Variants in ACTR3C observed in about 807,000 individuals in gnomAD.
ACTR3C encodes actin-related protein 3C.
ACTR3C carries 18 observed loss-of-function variants against 26.3 expected under a neutral mutation model. The observed-to-expected ratio is 0.68, with a 90% CI of 0.47 to 1.01. The LOEUF is 1.01. ACTR3C is among the 50% of genes least tolerant of loss of function. The probability of loss-of-function intolerance (pLI) is 0.00; values close to 1 mark genes in which losing one functional copy is unlikely to be tolerated. For synonymous variants in ACTR3C, 55 were observed against 94.5 expected, an observed-to-expected ratio of 0.58 and a Z score of 2.42; for missense variants, 184 against 250.7, an observed-to-expected ratio of 0.73 and a Z score of 1.80.
the ACTR3C span, among the ~76,000 whole-genome samples, chr7:150,026,686 G>T: frequency 6.6e-6 from 1 of 152,056 alleles, no homozygotes; most frequent in Non-Finnish European, 1.5e-5. Flanking sequence ...GGATTTTAAT[G>T]AAGGAAACTG....
the ACTR3C span, among the ~76,000 whole-genome samples, chr7:149,910,373 G>A: frequency 3.3e-5 from 5 of 152,090 alleles, no homozygotes; most frequent in African/African-American, 1.2e-4. Context: ...TCAAGACACT[G>A]CATGATAGAT....
chr7:150,012,004 G>GTAGA, the ACTR3C span, among the ~76,000 whole-genome samples: 3 of 152,180 alleles, frequency 2.0e-5, no homozygotes, highest in Non-Finnish European at 2.9e-5. Flanking sequence ...TTCAGATGAG[G>GTAGA]TAGATATTAC....
chr7:150,059,608 G>A, the ACTR3C span, among the ~76,000 whole-genome samples: 1 of 152,158 alleles, frequency 6.6e-6, no homozygotes, highest in Non-Finnish European at 1.5e-5. Flanking sequence ...GGACAGAGGA[G>A]GAGGGAGAGG....
the ACTR3C span, among the ~76,000 whole-genome samples, chr7:150,178,583 C>A: frequency 6.7e-6 from 1 of 149,982 alleles, no homozygotes; most frequent in Non-Finnish European, 1.5e-5. Context: ...TGCACTCTGC[C>A]AGGAACACAT....
chr7:150,242,157 A>G (rs1299013862), downstream of ACTR3C, among the ~76,000 whole-genome samples: 1 of 151,836 alleles, frequency 6.6e-6, no homozygotes, highest in South Asian at 2.1e-4. Context: ...TGGAGGCTGC[A>G]GTGAGACGAG....
the ACTR3C span, among the ~76,000 whole-genome samples, chr7:150,125,409 T>C: frequency 6.7e-6 from 1 of 149,832 alleles, no homozygotes; most frequent in Non-Finnish European, 1.5e-5. Flanking sequence ...ACTGTTTTGG[T>C]AAAATTTCTC....
At chr7:149,970,430 G>A in the ACTR3C span, among the ~76,000 whole-genome samples, 3 of 152,024 alleles carry the variant, frequency 2.0e-5, no homozygotes, top group African/African-American at 7.2e-5. Context: ...TCTCCTTGTT[G>A]TGTAAGGAAA....
chr7:150,191,303 G>A, the ACTR3C span, among the ~76,000 whole-genome samples: 1 of 152,104 alleles, frequency 6.6e-6, no homozygotes, highest in Non-Finnish European at 1.5e-5. Flanking sequence ...TATAATGTTG[G>A]GGATAATTGA....
rs1291819616 is a variant in ACTR3C at position 150,284,858 on chromosome 7, T to C, written c.472-13A>G. ...CTGGGTTGGCAAACTGAATTGTATATCAATATAAAAGAAACATTACACATT... is the reference window on the plus strand; with the variant it reads ...CTGGGTTGGCAAACTGAATTGTATACCAATATAAAAGAAACATTACACATT... On this transcript the variant is annotated splice_polypyrimidine_tract_variant and intron_variant, in intron 5 of 7. Coordinates refer to ENST00000683684, the MANE Select transcript of ACTR3C (RefSeq NM_001164458.2). 4.4e-6 allele frequency: 7 copies of C among 1,603,160 alleles called. No homozygotes were observed. The highest frequency in any genetic ancestry group is 6.0e-6 in the Non-Finnish European group (7 of 1,175,752).
the ACTR3C span, among the ~76,000 whole-genome samples, chr7:149,991,869 G>A: frequency 1.3e-5 from 2 of 152,152 alleles, no homozygotes; most frequent in Non-Finnish European, 2.9e-5. Context: ...AGCTGGGACC[G>A]CAGGCGTGTG....
chr7:150,263,748 T>A (rs1024087151), intron 6 of ACTR3C, among the ~76,000 whole-genome samples: 1 of 152,180 alleles, frequency 6.6e-6, no homozygotes, highest in Non-Finnish European at 1.5e-5. Flanking sequence ...AAAGACAGAA[T>A]ATCTGCAAAG....
At chr7:150,073,154 T>C in the ACTR3C span, among the ~76,000 whole-genome samples, 25 of 152,106 alleles carry the variant, frequency 1.6e-4, no homozygotes, top group East Asian at 2.4e-3. Context: ...GGGACTAGCG[T>C]CCTTAGCAGA....
the ACTR3C span, among the ~76,000 whole-genome samples, chr7:150,166,229 T>C: frequency 6.6e-6 from 1 of 150,878 alleles, no homozygotes; most frequent in African/African-American, 2.5e-5. Flanking sequence ...ATTTTAAAAA[T>C]TGATATGTAA....
the ACTR3C span, among the ~76,000 whole-genome samples, chr7:150,023,628 A>G: frequency 2.6e-5 from 4 of 151,398 alleles, no homozygotes; most frequent in Admixed American, 1.3e-4. Context: ...TTTAATGCCA[A>G]GGATGTAAAA....
chr7:150,107,228 A>C, the ACTR3C span, among the ~76,000 whole-genome samples: 1 of 149,002 alleles, frequency 6.7e-6, no homozygotes, highest in African/African-American at 2.5e-5. Context: ...TATAATTTAA[A>C]GTATCTTTGA....
At position 150,295,244 on chromosome 7, in the gene ACTR3C, G is replaced by C; in HGVS notation, c.45+8C>G. 7.4e-6 allele frequency: 12 copies of C among 1,613,752 alleles called. No homozygotes were observed. The highest frequency in any genetic ancestry group is 9.3e-6 in the Non-Finnish European group (11 of 1,179,704). On this transcript the variant is annotated splice_region_variant and intron_variant, in intron 2 of 7. Coordinates refer to ENST00000683684, the MANE Select transcript of ACTR3C (RefSeq NM_001164458.2). ...TGCTTTAGGAATCACAAACATAACT[G>C]GTTTTACCTGAACTGCAATGTAGAG...
chr7:149,977,716 A>G, the ACTR3C span, among the ~76,000 whole-genome samples: 1 of 152,118 alleles, frequency 6.6e-6, no homozygotes, highest in Non-Finnish European at 1.5e-5. Context: ...CCACATCACA[A>G]GTTGATTATA....
At chr7:150,072,784 A>G in the ACTR3C span, among the ~76,000 whole-genome samples, 165 of 152,238 alleles carry the variant, frequency 1.1e-3, no homozygotes, top group East Asian at 0.023. Context: ...TGCTGTCAGT[A>G]TGATAGGTGC....
chr7:149,994,601 C>G, the ACTR3C span, among the ~76,000 whole-genome samples: 1 of 150,326 alleles, frequency 6.7e-6, no homozygotes. Context: ...AACTCCATCT[C>G]AAAAGAAAAA....
Sources: gnomAD v4.1 joint callset for allele counts (sites outside exome capture counted in the v4.1 genomes callset) on GRCh38, gnomAD v4.1.1 for gene constraint, MANE v1.5 for transcripts, NCBI Gene and HGNC (gene_info 2026-07-23, HGNC 2026-07-21) for gene names.